METTL23: variants seen among roughly 807,000 people sequenced by gnomAD.
METTL23 encodes the protein methyltransferase 23, arginine.
METTL23 carries 24 observed loss-of-function variants against 21.2 expected under a neutral mutation model. That is an observed-to-expected ratio of 1.13 (90% CI 0.82 to 1.59). METTL23 has a LOEUF of 1.59. Among genes scored for constraint, METTL23 ranks in the 40% most tolerant of loss-of-function variants. The pLI, the probability that METTL23 is intolerant of heterozygous loss-of-function variation, is 0.00. For missense variants in METTL23, 276 were observed against 221.4 expected, an observed-to-expected ratio of 1.25 and a Z score of -1.57; for synonymous variants, 97 against 75.2, an observed-to-expected ratio of 1.29 and a Z score of -1.50.
chr17:76,726,863 T>C lies in METTL23; in HGVS notation c.-337T>C, dbSNP rs1191593411. On this transcript the variant is annotated 5_prime_UTR_variant, in exon 1 of 5. Transcript: ENST00000341249. ...CACTTCCGGTCGCGCCAGCCGCCCGTTGCCAGTTCTGCGCGTGTGAGTCTC... is the reference window on the plus strand; with the variant it reads ...CACTTCCGGTCGCGCCAGCCGCCCGCTGCCAGTTCTGCGCGTGTGAGTCTC... 1.9e-5 allele frequency: 8 copies of C among 430,028 alleles called. No homozygotes were observed. Among genetic ancestry groups the C allele is most frequent in the Admixed American group, 4.9e-5 (2 of 40,990 alleles). The allele number at this position is 430,028 out of a possible 1,614,324, so 26.6% of individuals were successfully genotyped here. A position where few individuals can be genotyped will look rare whatever the true frequency, so the allele number is the denominator to read the frequency against.
chr17:76,733,122 GT>G lies in METTL23; in HGVS notation c.230del (p.Val77GlufsTer3). The G allele has an allele frequency of 6.2e-7, 1 of 1,613,750 alleles. No individual in the cohort carries two copies. The highest frequency in any genetic ancestry group is 8.5e-7 in the Non-Finnish European group (1 of 1,179,780). The stretch of plus-strand genomic sequence containing the variant: ...GAATAACCTGCCACATCTGCAGGTG[GT>G]AGGACTAACATGGGGTCATATATCT... Reference protein sequence around the residue: ...QMNNLPHLQVVGLTWGHISWD... With the variant: ...QMNNLPHLQVXGLTWGHISWD... On this transcript the variant is annotated frameshift_variant, in exon 3 of 5. Transcript: ENST00000341249. LOFTEE classifies it high-confidence loss of function.
upstream of METTL23, chr17:76,726,262 G>A (rs1025206751): frequency 1.2e-5 from 18 of 1,459,712 alleles, no homozygotes; most frequent in Admixed American, 3.8e-4. Flanking sequence ...CGCTCGGGGC[G>A]AGGGCAGCCT....
chr17:76,728,356 C>T (rs970756965), intron 1 of METTL23, among the ~76,000 whole-genome samples: 13 of 144,936 alleles, frequency 9.0e-5, no homozygotes, highest in Non-Finnish European at 1.9e-4. Flanking sequence ...CCACCTCAGC[C>T]TTTCAAGTAA....
Position 76,733,618 on chromosome 17 carries a change from G to A in METTL23, c.505G>A (p.Glu169Lys), listed in dbSNP as rs760840008. Reference sequence around the variant, plus strand: ...TGATGCAGACAAAGAAGATATAGCAGAATCTACCCTTCCAGGAAGACATAC... The same window carrying A: ...TGATGCAGACAAAGAAGATATAGCAAAATCTACCCTTCCAGGAAGACATAC... ...SFDADKEDIA[E>K]STLPGRHTVE... The change falls in exon 5 of 5, where the codon GAA (glutamate) becomes AAA (lysine). Residue 169 changes from glutamate to lysine, a missense_variant. Coordinates refer to ENST00000341249, the MANE Select transcript of METTL23 (RefSeq NM_001080510.5). 6.2e-7 allele frequency: 1 copy of A among 1,613,684 alleles called. No individual in the cohort carries two copies. Among genetic ancestry groups the A allele is most frequent in the African/African-American group, 1.3e-5 (1 of 74,878 alleles).
At position 76,729,807 on chromosome 17, in the gene METTL23, C is replaced by T. The variant is rs1468978760; in HGVS notation, c.84+13C>T. ...GGCCATCTTAGAGGTACAAATGCCC[C>T]TGAAGTTTCCAGAGTTCTAGGTTAT... is the stretch of plus-strand genomic sequence containing the variant. On this transcript the variant is annotated intron_variant, in intron 2 of 4. Transcript: ENST00000341249. 1 of 1,572,916 alleles carries T rather than the reference C, an allele frequency of 6.4e-7. No individual in the cohort carries two copies. Among genetic ancestry groups the T allele is most frequent in the Non-Finnish European group, 8.7e-7 (1 of 1,154,318 alleles).
chr17:76,727,131 C>T lies in METTL23; in HGVS notation c.-69C>T, dbSNP rs538980381. On this transcript the variant is annotated 5_prime_UTR_variant, in exon 1 of 5. Coordinates refer to ENST00000341249, the MANE Select transcript of METTL23 (RefSeq NM_001080510.5). ...CCAGCGCTTTCGATTCTCGGAGGAG[C>T]CGGGTCCGGGGGCCGACGGGGCTGT... 2.3e-4 allele frequency: 103 copies of T among 451,468 alleles called. No individual in the cohort carries two copies. The highest frequency in any genetic ancestry group is 1.8e-3 in the African/African-American group (92 of 50,000). The allele number at this position is 451,468 out of a possible 1,614,324, so 28.0% of individuals were successfully genotyped here.
At chr17:76,726,747 C>T, upstream of METTL23, 1 of 465,374 alleles carries the variant, frequency 2.1e-6, no homozygotes, top group South Asian at 2.0e-5. Context: ...TCACATACGG[C>T]GGGCCTCCGC....
intron 1 of METTL23, among the ~76,000 whole-genome samples, chr17:76,727,689 C>T (rs534147681): frequency 6.6e-6 from 1 of 152,382 alleles, no homozygotes; most frequent in South Asian, 2.1e-4. Flanking sequence ...TCGCTTCTTC[C>T]TCTAAGCTCA....
chr17:76,731,094 G>A (rs921875374), intron 2 of METTL23, among the ~76,000 whole-genome samples: 44 of 150,830 alleles, frequency 2.9e-4, no homozygotes, highest in African/African-American at 1.1e-3. Context: ...GCGACAGAGC[G>A]AGACTCCATC....
In METTL23 at chr17:76,733,029, GAAGT is replaced by G. The variant is rs745562898; in HGVS notation, c.139_142del (p.Val47TyrfsTer21). The G allele has an allele frequency of 1.6e-5, 25 of 1,598,076 alleles. No individual in the cohort carries two copies. Among genetic ancestry groups the G allele is most frequent in the Middle Eastern group, 1.6e-4 (1 of 6,064 alleles). On this transcript the variant is annotated frameshift_variant, in exon 3 of 5. Coordinates refer to ENST00000341249, the MANE Select transcript of METTL23 (RefSeq NM_001080510.5). LOFTEE classifies it high-confidence loss of function. The stretch of plus-strand genomic sequence containing the variant: ...AATTTTGGCTGCCAAATGTGGTGCA[GAAGT>G]AATACTGTCAGACAGCTCAGAACTG...
chr17:76,733,580 C>G lies in METTL23; in HGVS notation c.467C>G (p.Pro156Arg), dbSNP rs2077339418. The change falls in exon 5 of 5, where the codon CCT (proline) becomes CGT (arginine). Residue 156 changes from proline to arginine, a missense_variant. By Grantham distance (103) the Pro-to-Arg change is moderately radical. Coordinates refer to ENST00000341249, the MANE Select transcript of METTL23 (RefSeq NM_001080510.5). ...YKWDMKCVHI[P>R]LESFDADKED... ...TGGGATATGAAATGTGTCCACATTC[C>G]TCTTGAGTCTTTTGATGCAGACAAA... The G allele has an allele frequency of 6.2e-7, 1 of 1,613,786 alleles. No homozygotes were observed. The highest frequency in any genetic ancestry group is 8.5e-7 in the Non-Finnish European group (1 of 1,179,856).
At chr17:76,726,722 C>G, upstream of METTL23, 1 of 534,562 alleles carries the variant, frequency 1.9e-6, no homozygotes. Context: ...GCTTTGGCTC[C>G]CCTGGGGTAC....
At chr17:76,728,239 G>GAA (rs556657313) in intron 1 of METTL23, among the ~76,000 whole-genome samples, 40 of 110,312 alleles carry the variant, frequency 3.6e-4, no homozygotes, top group African/African-American at 1.2e-3. Flanking sequence ...TTGTCAAGAA[G>GAA]AAAAAAAAAA....
intron 2 of METTL23, among the ~76,000 whole-genome samples, chr17:76,732,269 G>A (rs1465619017): frequency 3.9e-5 from 6 of 152,036 alleles, no homozygotes; most frequent in African/African-American, 9.7e-5. Flanking sequence ...TTGGGAGGCC[G>A]AGACAGGTGG....
chr17:76,730,600 G>A (rs540770410), intron 2 of METTL23, among the ~76,000 whole-genome samples: 6 of 152,382 alleles, frequency 3.9e-5, no homozygotes, highest in Non-Finnish European at 7.3e-5. Flanking sequence ...TGTCCCAGCA[G>A]TGTCATGCAG....
chr17:76,732,858 CAGAA>C, intron 2 of METTL23, 116 bp from the exon 3 acceptor site: 1 of 806,768 alleles, frequency 1.2e-6, no homozygotes, highest in South Asian at 1.7e-5. Context: ...TATACAAACC[CAGAA>C]AGACTGACTC....
Position 76,733,535 on chromosome 17 carries a change from T to C in METTL23, c.422T>C (p.Leu141Pro), listed in dbSNP as rs1172861607. 2 of 1,611,438 alleles carry C rather than the reference T, an allele frequency of 1.2e-6. No individual in the cohort carries two copies. The highest frequency in any genetic ancestry group is 1.7e-6 in the Non-Finnish European group (2 of 1,179,140). Residue 141 changes from leucine (L) to proline (P), a missense_variant, in exon 5 of 5, where the codon CTT becomes CCT. Leu to Pro is a moderately conservative substitution (Grantham distance 98, BLOSUM62 -3). Coordinates refer to ENST00000341249, the MANE Select transcript of METTL23 (RefSeq NM_001080510.5). ...TYQVRSADWS[L>P]EALLYKWDMK... Reference sequence around the variant, plus strand: ...TTTTTTTTAAGTGCTGACTGGTCACTTGAAGCTTTACTCTACAAATGGGAT... The same window carrying C: ...TTTTTTTTAAGTGCTGACTGGTCACCTGAAGCTTTACTCTACAAATGGGAT...
chr17:76,728,666 C>T (rs931480145), intron 1 of METTL23, among the ~76,000 whole-genome samples: 17 of 152,104 alleles, frequency 1.1e-4, no homozygotes, highest in Non-Finnish European at 2.2e-4. Context: ...CTGCCTCGGC[C>T]TACCAAAGTG....
chr17:76,727,045 G>T lies in METTL23; in HGVS notation c.-155G>T. 2.2e-6 allele frequency: 1 copy of T among 454,980 alleles called. No individual in the cohort carries two copies. The allele number at this position is 454,980 out of a possible 1,614,324, so 28.2% of individuals were successfully genotyped here. On this transcript the variant is annotated 5_prime_UTR_variant, in exon 1 of 5. Transcript: ENST00000341249. Reference sequence around the variant, plus strand: ...CGGAGCCTTCCGCGGTCCCCCGCCCGCCCGGGGCCCAACGACGCCCTACTG... The same window carrying T: ...CGGAGCCTTCCGCGGTCCCCCGCCCTCCCGGGGCCCAACGACGCCCTACTG...
Sources: gnomAD v4.1 joint callset for allele counts (sites outside exome capture counted in the v4.1 genomes callset) on GRCh38, gnomAD v4.1.1 for gene constraint, MANE v1.5 for transcripts, NCBI Gene and HGNC (gene_info 2026-07-23, HGNC 2026-07-21) for gene names.